The following RYR3 variants were observed in gnomAD, a reference collection of about 807,000 sequenced individuals.
The protein encoded by RYR3 is ryanodine receptor 3.
In RYR3, 207 loss-of-function variants were observed where a neutral mutation model predicts 584.3. The ratio of observed to expected loss-of-function variants is 0.35; its 90% CI spans 0.32 to 0.40. The LOEUF is 0.40. Ranked by LOEUF, RYR3 falls within the 10% of genes least tolerant of loss-of-function variation. The pLI is 1.00. For missense variants in RYR3, 5,616 were observed against 6,089.2 expected (o/e 0.92, Z 2.59); for synonymous variants, 2,416 against 2,248.5 (o/e 1.07, Z -2.11).
At chr15:33,437,924 T>C (rs1435427770) in intron 1 of RYR3, among the ~76,000 whole-genome samples, 1 of 152,168 alleles carries the variant, frequency 6.6e-6, no homozygotes, top group Admixed American at 6.5e-5. Flanking sequence ...TGTCTTGCCA[T>C]GTTGCCCAGG....
chr15:33,738,673 C>A, intron 50 of RYR3, 83 bp downstream of exon 50: 2 of 1,495,056 alleles, frequency 1.3e-6, no homozygotes, highest in South Asian at 2.4e-5. Context: ...ATCTGTTTAG[C>A]ATTCCATTTG....
At chr15:33,827,338 G>A (rs1472888854) in intron 85 of RYR3, 51 bp downstream of exon 85, 21 of 1,493,066 alleles carry the variant, frequency 1.4e-5, no homozygotes, top group Non-Finnish European at 6.4e-6. Flanking sequence ...GCTTCCAGAA[G>A]ATAAACACAG....
intron 7 of RYR3, among the ~76,000 whole-genome samples, chr15:33,541,510 C>T (rs570441010): frequency 6.6e-6 from 1 of 152,266 alleles, no homozygotes; most frequent in African/African-American, 2.4e-5. Flanking sequence ...GGCCTTACCT[C>T]ACTCATAGGT....
chr15:33,687,414 G>A (rs994829711), intron 38 of RYR3, among the ~76,000 whole-genome samples: 5 of 152,102 alleles, frequency 3.3e-5, no homozygotes, highest in Admixed American at 6.6e-5. Context: ...AAATGAAAGA[G>A]GACACAAACA....
chr15:33,811,397 T>C (rs1006464269), intron 72 of RYR3, among the ~76,000 whole-genome samples: 3 of 151,616 alleles, frequency 2.0e-5, no homozygotes, highest in African/African-American at 4.9e-5. Context: ...CTCAGCTACT[T>C]GGGAGGCTGA....
chr15:33,336,052 T>C (rs1052030492), intron 1 of RYR3, among the ~76,000 whole-genome samples: 5 of 152,174 alleles, frequency 3.3e-5, no homozygotes, highest in African/African-American at 1.2e-4. Context: ...CTTTTTAGCC[T>C]GGGTCCTCCA....
intron 1 of RYR3, among the ~76,000 whole-genome samples, chr15:33,411,114 T>C (rs561211133): frequency 6.6e-4 from 100 of 152,256 alleles, no homozygotes; most frequent in African/African-American, 2.3e-3. Context: ...TCAGCCACCC[T>C]CCCTCCTTGG....
chr15:33,376,049 G>C (rs969181954), intron 1 of RYR3, among the ~76,000 whole-genome samples: 8 of 152,166 alleles, frequency 5.3e-5, no homozygotes, highest in African/African-American at 1.7e-4. Flanking sequence ...GGGGAACAGA[G>C]TGCGACTCCA....
At chr15:33,726,610 G>C in intron 46 of RYR3, 104 bp downstream of exon 46, 2 of 1,283,106 alleles carry the variant, frequency 1.6e-6, no homozygotes, top group Non-Finnish European at 2.1e-6. Flanking sequence ...TGACTTGCAG[G>C]GCGGGCTGCA....
intron 3 of RYR3, among the ~76,000 whole-genome samples, chr15:33,515,336 C>A (rs74005671): frequency 2.0e-5 from 3 of 152,310 alleles, no homozygotes; most frequent in South Asian, 4.1e-4. Context: ...CCCAGGCAAC[C>A]ACTTTGATGG....
chr15:33,523,320 A>G (rs2054146958), intron 3 of RYR3, among the ~76,000 whole-genome samples: 1 of 152,058 alleles, frequency 6.6e-6, no homozygotes, highest in African/African-American at 2.4e-5. Flanking sequence ...TTTCACGGTA[A>G]ATCTTGCTGC....
chr15:33,816,957 C>T lies in RYR3; in HGVS notation c.10598C>T (p.Ala3533Val). ...SFEEKLVQDLAKSPKVEEEEE... is the reference protein window; with the variant it reads ...SFEEKLVQDLVKSPKVEEEEE... The stretch of plus-strand genomic sequence containing the variant: ...GAAGAGAAACTAGTACAGGATTTGG[C>T]TGTAAGTACTGACTCCCCTGGGAGC... The change falls in exon 75 of 104, where the codon GCT becomes GTT. Residue 3533 changes from alanine to valine, a missense_variant and splice_region_variant. Physicochemically the swap from Ala to Val is moderately conservative, Grantham distance 64. This residue lies in a region of RYR3 where 954 missense variants were observed against 1,132.2 expected (regional missense o/e 0.84). Coordinates refer to ENST00000634891, the MANE Select transcript of RYR3 (RefSeq NM_001036.6). The T allele has an allele frequency of 1.3e-6, 2 of 1,582,332 alleles. No individual in the cohort carries two copies. Among genetic ancestry groups the T allele is most frequent in the South Asian group, 2.3e-5 (2 of 88,598 alleles).
chr15:33,669,851 G>GGGGGGT (rs2063720925), intron 37 of RYR3, among the ~76,000 whole-genome samples: 1 of 47,046 alleles, frequency 2.1e-5, no homozygotes, highest in African/African-American at 6.0e-5. Context: ...TGTGGGGGGG[G>GGGGGGT]GGGGGGGTGT....
At chr15:33,509,575 A>G (rs2052790104) in intron 3 of RYR3, among the ~76,000 whole-genome samples, 1 of 152,238 alleles carries the variant, frequency 6.6e-6, no homozygotes, top group Non-Finnish European at 1.5e-5. Flanking sequence ...TAATTGAATG[A>G]GTCAAATCTA....
At chr15:33,525,303 C>A (rs950230116) in intron 3 of RYR3, among the ~76,000 whole-genome samples, 1 of 152,192 alleles carries the variant, frequency 6.6e-6, no homozygotes, top group Admixed American at 6.5e-5. Flanking sequence ...ACACTTTTCT[C>A]TTTGAATCAG....
rs1172781111 is a variant in RYR3, at chr15:33,336,784, T to C, written c.51+25688T>C. On this transcript the variant is annotated intron_variant, in intron 1 of 103. Transcript: ENST00000634891. ...AAGTTTCTAAAACTCTGGCCGGGCG[T>C]GGTGGCTCACGCCTGTAATCCCAGC... is the stretch of plus-strand genomic sequence containing the variant. Among the ~76,000 whole-genome samples, 8 of 151,568 alleles carry C rather than the reference T, an allele frequency of 5.3e-5. No individual in the cohort carries two copies. The South Asian group carries it at 1.5e-3, about 28-fold the overall frequency.
intron 10 of RYR3, 144 bp from the exon 11 acceptor site, chr15:33,562,693 A>G (rs2057473799): frequency 1.7e-6 from 1 of 597,448 alleles, no homozygotes; most frequent in Non-Finnish European, 2.9e-6. Context: ...TCTTTCTGAA[A>G]TCCTGGCTTG....
intron 1 of RYR3, among the ~76,000 whole-genome samples, chr15:33,392,882 A>ATTTTCTTC (rs2042088105): frequency 6.6e-6 from 1 of 152,220 alleles, no homozygotes; most frequent in Non-Finnish European, 1.5e-5. Flanking sequence ...AATAAAACCT[A>ATTTTCTTC]TGCATATATG....
At chr15:33,343,026 T>C (rs1453936617) in intron 1 of RYR3, among the ~76,000 whole-genome samples, 4 of 152,212 alleles carry the variant, frequency 2.6e-5, no homozygotes, top group African/African-American at 9.6e-5. Flanking sequence ...TGAACATCCT[T>C]AAAAATGCTA....
Sources: gnomAD v4.1 joint callset for allele counts (sites outside exome capture counted in the v4.1 genomes callset) on GRCh38, gnomAD v4.1.1 for gene constraint, gnomAD v4.1.1 regional missense constraint, MANE v1.5 for transcripts, NCBI Gene and HGNC (gene_info 2026-07-23, HGNC 2026-07-21) for gene names.